AP5M1: variants seen among roughly 807,000 people sequenced by gnomAD.
The protein encoded by AP5M1 is AP-5 complex subunit mu-1.
A neutral mutation model predicts 52.3 loss-of-function variants in AP5M1; 44 were observed. The ratio of observed to expected loss-of-function variants is 0.84; its 90% confidence interval spans 0.66 to 1.08. AP5M1 has a LOEUF of 1.08. Among genes scored for constraint, AP5M1 ranks in the 50% least tolerant of loss-of-function variants. The pLI, the probability that AP5M1 is intolerant of heterozygous loss-of-function variation, is 0.00. For missense variants in AP5M1, 526 were observed against 568.4 expected, an observed-to-expected ratio of 0.93 and a Z score of 0.76; for synonymous variants, 213 against 199.0, an observed-to-expected ratio of 1.07 and a Z score of -0.59.
intron 1 of AP5M1, 70 bp from the exon 2 acceptor site, chr14:57,274,174 T>G: frequency 6.7e-7 from 1 of 1,488,438 alleles, no homozygotes; most frequent in Non-Finnish European, 9.0e-7. Flanking sequence ...TTTGAGAGTT[T>G]TAAAAAAATT....
chr14:57,282,310 T>G (rs1885200791), intron 4 of AP5M1, 82 bp downstream of exon 4: 1 of 1,119,922 alleles, frequency 8.9e-7, no homozygotes, highest in African/African-American at 1.6e-5. Context: ...TCTTTGTCTT[T>G]TACCTTATTT....
Position 57,282,947 on chromosome 14 carries a change from C to G in AP5M1, c.1102C>G (p.His368Asp). ...IPFYNRGPIT[H>D]LEYKTSFGQL... is the part of the protein sequence containing the mutation. ...TTCTTTTTAAAGAGGTCCAATTACA[C>G]ATTTGGAATACAAAACTAGTTTTGG... is the stretch of plus-strand genomic sequence containing the variant. Residue 368 changes from histidine to aspartate, a missense_variant, in exon 5 of 8, where the codon CAT becomes GAT. Physicochemically the swap from His to Asp is moderately conservative, Grantham distance 81. Transcript: ENST00000261558. 3.8e-6 allele frequency: 6 copies of G among 1,588,470 alleles called. No homozygotes were observed. The highest frequency in any genetic ancestry group is 2.2e-5 in the East Asian group (1 of 44,450).
chr14:57,283,576 C>G (rs868052345), intron 6 of AP5M1, among the ~76,000 whole-genome samples: 1 of 152,104 alleles, frequency 6.6e-6, no homozygotes, highest in African/African-American at 2.4e-5. Context: ...CAACAGAGTG[C>G]GACCAGATCT....
In AP5M1 at chr14:57,295,080, G is replaced by A. The variant is rs1244407515; in HGVS notation, c.*6196G>A. 3.3e-5 allele frequency: 5 copies of A among 151,868 alleles called. No individual in the cohort carries two copies. Among genetic ancestry groups the A allele is most frequent in the South Asian group, 2.1e-4 (1 of 4,832 alleles). 9.4% of individuals were successfully genotyped at this position (151,868 alleles called of 1,614,324 possible). On this transcript the variant is annotated 3_prime_UTR_variant, in exon 8 of 8. Transcript: ENST00000261558. ...TTCCATCACCATCCTGTGGAAATAC[G>A]TGAGTTGTTCATTTCAGTACACCCA... is the stretch of plus-strand genomic sequence containing the variant.
rs1263244062 is a variant in AP5M1 at position 57,269,268 on chromosome 14, G to A, written c.-47G>A. On this transcript the variant is annotated 5_prime_UTR_variant, in exon 1 of 8. It adds an upstream start codon to the 5' untranslated region. Transcript: ENST00000261558. Reference sequence around the variant, plus strand: ...GAAAGCCGGTCTGCGCTGTTCCTCGGTGGCGACCTTAATTATGAGATGAGC... The same window carrying A: ...GAAAGCCGGTCTGCGCTGTTCCTCGATGGCGACCTTAATTATGAGATGAGC... 2.5e-6 allele frequency: 4 copies of A among 1,585,910 alleles called. No individual in the cohort carries two copies. Among genetic ancestry groups the A allele is most frequent in the Non-Finnish European group, 1.7e-6 (2 of 1,155,606 alleles).
In AP5M1 at chr14:57,274,295, T is replaced by A; in HGVS notation, c.126T>A (p.Tyr42Ter). ...KRARVFNGASYVPVPEDGPFL... is the reference protein window; with the variant it reads ...KRARVFNGAS ...CCAGAGTCTTCAATGGAGCAAGTTA[T>A]GTGCCTGTTCCTGAAGATGGTCCCT... The change falls in exon 2 of 8, where the codon TAT becomes TAA. Residue 42 changes from tyrosine to a stop codon, truncating the protein, a stop_gained. Transcript: ENST00000261558. LOFTEE classifies it high-confidence loss of function. 1 of 1,614,200 alleles carries A rather than the reference T, an allele frequency of 6.2e-7. No homozygotes were observed. Among genetic ancestry groups the A allele is most frequent in the South Asian group, 1.1e-5 (1 of 91,084 alleles).
At chr14:57,270,257 G>T (rs1473750076) in intron 1 of AP5M1, among the ~76,000 whole-genome samples, 5 of 152,178 alleles carry the variant, frequency 3.3e-5, no homozygotes, top group East Asian at 1.9e-4. Flanking sequence ...ATTAGAATTT[G>T]CCCTGTGTAA....
At chr14:57,282,351 A>G in intron 4 of AP5M1, 123 bp downstream of exon 4, 1 of 656,862 alleles carries the variant, frequency 1.5e-6, no homozygotes, top group Non-Finnish European at 2.3e-6. Flanking sequence ...TTTTATTTAA[A>G]TGAATGCTGA....
chr14:57,283,253 C>T, intron 6 of AP5M1, 23 bp downstream of exon 6: 1 of 1,321,216 alleles, frequency 7.6e-7, no homozygotes, highest in Admixed American at 1.9e-5. Context: ...ATACAGCTCA[C>T]TACAGTAGCA....
In AP5M1 at chr14:57,290,502, T is replaced by C. The variant is rs1016816328; in HGVS notation, c.*1618T>C. On this transcript the variant is annotated 3_prime_UTR_variant, in exon 8 of 8. Coordinates refer to ENST00000261558, the MANE Select transcript of AP5M1 (RefSeq NM_018229.4). ...CCATTTGGAATCTTGATTGTATAAATGTTTACCAAATACACTAAGGTAAGC... is the reference window on the plus strand; with the variant it reads ...CCATTTGGAATCTTGATTGTATAAACGTTTACCAAATACACTAAGGTAAGC... 1 of 151,964 alleles carries C rather than the reference T, an allele frequency of 6.6e-6. No individual in the cohort carries two copies. The highest frequency in any genetic ancestry group is 6.6e-5 in the Admixed American group (1 of 15,224). 9.4% of individuals were successfully genotyped at this position (151,964 alleles called of 1,614,324 possible).
In AP5M1 at chr14:57,290,688, C is replaced by A. The variant is rs1446890624; in HGVS notation, c.*1804C>A. On this transcript the variant is annotated 3_prime_UTR_variant, in exon 8 of 8. Coordinates refer to ENST00000261558, the MANE Select transcript of AP5M1 (RefSeq NM_018229.4). ...GGAAAAGTGATGAGGTGTTGGGGAA[C>A]CTGATGCCATCTGTTGCCATTCCAT... 6.6e-6 allele frequency: 1 copy of A among 151,888 alleles called. No homozygotes were observed. Among genetic ancestry groups the A allele is most frequent in the Non-Finnish European group, 1.5e-5 (1 of 67,890 alleles). The allele number at this position is 151,888 out of a possible 1,614,324, so 9.4% of individuals were successfully genotyped here.
intron 2 of AP5M1, among the ~76,000 whole-genome samples, chr14:57,276,945 A>T (rs538993944): frequency 6.6e-6 from 1 of 152,324 alleles, no homozygotes; most frequent in East Asian, 1.9e-4. Context: ...AAGGAATTGT[A>T]TTGTGAAGCC....
Position 57,295,865 on chromosome 14 carries a change from A to G in AP5M1, c.*6981A>G, listed in dbSNP as rs1265392387. On this transcript the variant is annotated 3_prime_UTR_variant, in exon 8 of 8. Coordinates refer to ENST00000261558, the MANE Select transcript of AP5M1 (RefSeq NM_018229.4). ...AATCAAAAAATGAAAACAATTGTGA[A>G]ATTACTGAAATGAGTATGTAATTGA... 5 of 151,998 alleles carry G rather than the reference A, an allele frequency of 3.3e-5. No individual in the cohort carries two copies. The highest frequency in any genetic ancestry group is 5.9e-5 in the Non-Finnish European group (4 of 67,942). The allele number at this position is 151,998 out of a possible 1,614,324, so 9.4% of individuals were successfully genotyped here.
chr14:57,278,996 A>G (rs1885106988), intron 2 of AP5M1, among the ~76,000 whole-genome samples: 1 of 152,216 alleles, frequency 6.6e-6, no homozygotes, highest in African/African-American at 2.4e-5. Context: ...ATCCAACGCC[A>G]GTCAGAATGG....
intron 7 of AP5M1, among the ~76,000 whole-genome samples, chr14:57,286,756 G>A (rs1885317201): frequency 6.6e-6 from 1 of 152,038 alleles, no homozygotes; most frequent in African/African-American, 2.4e-5. Flanking sequence ...ATTGTTATGA[G>A]GTTTAGATAA....
chr14:57,280,624 T>G (rs1226687128), intron 3 of AP5M1, among the ~76,000 whole-genome samples: 1 of 152,080 alleles, frequency 6.6e-6, no homozygotes, highest in African/African-American at 2.4e-5. Context: ...CTGAGGCAGG[T>G]GGATCACTTG....
In AP5M1 at chr14:57,289,819, A is replaced by G. The variant is rs950695084; in HGVS notation, c.*935A>G. ...TAAGCTTATTTTAGTCACATGTAGT[A>G]TATATCTCCTTAAAGCTGTCACTCT... is the stretch of plus-strand genomic sequence containing the variant. On this transcript the variant is annotated 3_prime_UTR_variant, in exon 8 of 8. Coordinates refer to ENST00000261558, the MANE Select transcript of AP5M1 (RefSeq NM_018229.4). 4.6e-5 allele frequency: 7 copies of G among 151,962 alleles called. No homozygotes were observed. The highest frequency in any genetic ancestry group is 3.3e-4 in the Admixed American group (5 of 15,226). The allele number at this position is 151,962 out of a possible 1,614,324, so 9.4% of individuals were successfully genotyped here.
At chr14:57,275,365 G>A (rs970290755) in intron 2 of AP5M1, 1 of 154,768 alleles carries the variant, frequency 6.5e-6, no homozygotes, top group African/African-American at 2.6e-5. Context: ...CACACTTGGT[G>A]ACTGGCTTCC....
intron 1 of AP5M1, among the ~76,000 whole-genome samples, chr14:57,269,654 T>C (rs1251463296): frequency 2.0e-5 from 3 of 152,182 alleles, no homozygotes; most frequent in Admixed American, 2.0e-4. Context: ...CTCCGTCTGC[T>C]TAGAATTAAA....
Sources: gnomAD v4.1 joint callset for allele counts (sites outside exome capture counted in the v4.1 genomes callset) on GRCh38, gnomAD v4.1.1 for gene constraint, MANE v1.5 for transcripts, NCBI Gene and HGNC (gene_info 2026-07-23, HGNC 2026-07-21) for gene names.